Variants in LAMA2 observed in about 807,000 individuals in gnomAD.
LAMA2 encodes the protein laminin subunit alpha-2.
Under a neutral mutation model 364.8 loss-of-function variants are expected in LAMA2, and 269 were observed. The observed-to-expected ratio is 0.74, with a 90% confidence interval of 0.67 to 0.82. The LOEUF is 0.82. Ranked by LOEUF, LAMA2 falls within the 40% of genes least tolerant of loss-of-function variation. The probability of loss-of-function intolerance (pLI) is 0.00; values close to 1 mark genes in which losing one functional copy is unlikely to be tolerated. For synonymous variants in LAMA2, 1,379 were observed against 1,370.6 expected (o/e 1.01, Z -0.14); for missense variants, 3,807 against 3,873.2 (o/e 0.98, Z 0.45).
At chr6:128,917,737 T>TCTTTCTTTCTTTCTTTCTTTCTTTCTTTC (rs779342764) in intron 1 of LAMA2, among the ~76,000 whole-genome samples, 2 of 117,816 alleles carry the variant, frequency 1.7e-5, no homozygotes, top group African/African-American at 8.1e-5. Context: ...TTTCTTTCTT[T>TCTTTCTTTCTTTCTTTCTTTCTTTCTTTC]TTTTTTTTTT....
At chr6:129,128,427 G>A (rs959670651) in intron 4 of LAMA2, among the ~76,000 whole-genome samples, 1 of 152,138 alleles carries the variant, frequency 6.6e-6, no homozygotes, top group Non-Finnish European at 1.5e-5. Context: ...AAGTCAAGTA[G>A]TGTGATATCT....
intron 1 of LAMA2, among the ~76,000 whole-genome samples, chr6:128,949,302 G>A (rs1344394086): frequency 6.6e-6 from 1 of 152,062 alleles, no homozygotes. Flanking sequence ...CTTTAACCAA[G>A]GGCCAAATAA....
At chr6:129,167,332 C>T (rs1432442065) in intron 9 of LAMA2, among the ~76,000 whole-genome samples, 1 of 129,078 alleles carries the variant, frequency 7.7e-6, no homozygotes, top group Admixed American at 9.2e-5. Context: ...CCACAACAGT[C>T]CCCAGAGTGT....
intron 7 of LAMA2, among the ~76,000 whole-genome samples, chr6:129,154,208 C>T (rs181710354): frequency 9.8e-4 from 149 of 152,140 alleles, no homozygotes; most frequent in Middle Eastern, 3.4e-3. Context: ...GTCAAGAGTT[C>T]AAGACCAGCC....
At chr6:129,397,973 C>T (rs1028949018) in intron 37 of LAMA2, among the ~76,000 whole-genome samples, 2 of 150,994 alleles carry the variant, frequency 1.3e-5, no homozygotes, top group Non-Finnish European at 2.9e-5. Flanking sequence ...ATTATTTAAC[C>T]TCTTGATCAT....
chr6:129,366,372 G>T lies in LAMA2; in HGVS notation c.4860+11G>T. 1 of 1,613,056 alleles carries T rather than the reference G, an allele frequency of 6.2e-7. No homozygotes were observed. Among genetic ancestry groups the T allele is most frequent in the Non-Finnish European group, 8.5e-7 (1 of 1,179,808 alleles). On this transcript the variant is annotated intron_variant, in intron 33 of 64. Transcript: ENST00000421865. Reference sequence around the variant, plus strand: ...ACTCAGGAGCTAAAGGTAGGTTGGTGCAGTCACAAGCAAGGGCCAGGGACA... The same window carrying T: ...ACTCAGGAGCTAAAGGTAGGTTGGTTCAGTCACAAGCAAGGGCCAGGGACA...
intron 4 of LAMA2, among the ~76,000 whole-genome samples, chr6:129,114,252 A>G (rs537225050): frequency 2.0e-5 from 3 of 152,066 alleles, no homozygotes; most frequent in Admixed American, 6.6e-5. Context: ...TCAGCAAAAT[A>G]TATGCAGAAC....
intron 1 of LAMA2, among the ~76,000 whole-genome samples, chr6:128,945,357 G>A (rs1022037105): frequency 6.6e-6 from 1 of 152,144 alleles, no homozygotes; most frequent in African/African-American, 2.4e-5. Flanking sequence ...CAGTGTAGTT[G>A]CCATCGGACT....
At chr6:129,475,441 G>A in intron 53 of LAMA2, 40 bp downstream of exon 53, 1 of 1,531,346 alleles carries the variant, frequency 6.5e-7, no homozygotes, top group Non-Finnish European at 9.0e-7. Context: ...CGAGTGCATG[G>A]GTTGGGTAAA....
At chr6:129,279,935 G>A (rs1788603967) in intron 17 of LAMA2, 126 bp from the exon 18 acceptor site, 3 of 732,584 alleles carry the variant, frequency 4.1e-6, no homozygotes, top group South Asian at 3.0e-5. Flanking sequence ...CTGTCTCTGG[G>A]GTGAGAATGA....
At chr6:128,912,351 C>T (rs1158321889) in intron 1 of LAMA2, among the ~76,000 whole-genome samples, 1 of 152,118 alleles carries the variant, frequency 6.6e-6, no homozygotes, top group Admixed American at 6.5e-5. Flanking sequence ...TTCTTCCTTT[C>T]TCCCTCTTTT....
chr6:129,201,974 G>A (rs182161778), intron 12 of LAMA2, among the ~76,000 whole-genome samples: 94 of 152,196 alleles, frequency 6.2e-4, no homozygotes, highest in African/African-American at 2.2e-3. Flanking sequence ...TGGATCACGA[G>A]GTCAGGAGTT....
rs751471298 is a variant in LAMA2 at position 128,883,161 on chromosome 6, G to T, written c.-85G>T. 1.5e-5 allele frequency: 20 copies of T among 1,329,950 alleles called. No individual in the cohort carries two copies. The highest frequency in any genetic ancestry group is 2.0e-5 in the Non-Finnish European group (19 of 958,570). 82.4% of individuals were successfully genotyped at this position (1,329,950 alleles called of 1,614,324 possible). ...TCCTCTTCCCCAGCAGCTGCTGCTCGCTCAGCTCACAAGCCAAGGCCAGGG... is the reference window on the plus strand; with the variant it reads ...TCCTCTTCCCCAGCAGCTGCTGCTCTCTCAGCTCACAAGCCAAGGCCAGGG... On this transcript the variant is annotated 5_prime_UTR_variant, in exon 1 of 65. Transcript: ENST00000421865.
chr6:129,294,230 C>A (rs1789928488), intron 20 of LAMA2, among the ~76,000 whole-genome samples: 1 of 152,198 alleles, frequency 6.6e-6, no homozygotes, highest in African/African-American at 2.4e-5. Context: ...CTAAAGGAAT[C>A]CTGAATTGGT....
intron 40 of LAMA2, 58 bp from the exon 41 acceptor site, chr6:129,427,694 C>A: frequency 3.2e-6 from 4 of 1,237,476 alleles, no homozygotes; most frequent in South Asian, 1.2e-5. Flanking sequence ...CCTTCTGGAT[C>A]CCTCCACTCC....
At chr6:129,420,122 C>A (rs761852215) in intron 40 of LAMA2, among the ~76,000 whole-genome samples, 3 of 152,124 alleles carry the variant, frequency 2.0e-5, no homozygotes, top group East Asian at 1.9e-4. Context: ...CTACTCATAT[C>A]TTTTCCTATG....
At chr6:129,118,653 T>C (rs1235701136) in intron 4 of LAMA2, among the ~76,000 whole-genome samples, 1 of 152,196 alleles carries the variant, frequency 6.6e-6, no homozygotes, top group Non-Finnish European at 1.5e-5. Context: ...GAACCTGATA[T>C]AAATCTCTTC....
chr6:129,421,912 T>TC (rs1197112406), intron 40 of LAMA2, among the ~76,000 whole-genome samples: 2 of 152,180 alleles, frequency 1.3e-5, no homozygotes, highest in Admixed American at 6.5e-5. Context: ...GCTCCTTTTT[T>TC]CCCACACAGC....
intron 36 of LAMA2, 88 bp from the exon 37 acceptor site, chr6:129,392,957 C>T: frequency 3.0e-6 from 3 of 989,808 alleles, no homozygotes; most frequent in Non-Finnish European, 4.6e-6. Flanking sequence ...TTCATGTTAG[C>T]ATCTCTTTGT....
Sources: allele counts gnomAD v4.1 joint callset (sites outside exome capture counted in the v4.1 genomes callset), GRCh38; gene constraint gnomAD v4.1.1; transcripts MANE v1.5; gene names NCBI Gene and HGNC (gene_info 2026-07-23, HGNC 2026-07-21).